The following MYLK3 variants were observed in gnomAD, a reference collection of about 807,000 sequenced individuals.
MYLK3 encodes MLC kinase.
MYLK3 carries 55 observed loss-of-function variants against 76.3 expected under a neutral mutation model. That is an observed-to-expected ratio of 0.72 (90% CI 0.58 to 0.90). The LOEUF is 0.90. Among genes scored for constraint, MYLK3 ranks in the 40% least tolerant of loss-of-function variants. MYLK3 has a pLI of 0.00. For synonymous variants in MYLK3, 416 were observed against 425.4 expected, an observed-to-expected ratio of 0.98 and a Z score of 0.27; for missense variants, 973 against 1,053.6, an observed-to-expected ratio of 0.92 and a Z score of 1.06.
At chr16:46,726,601 G>T (rs1454773550) in intron 8 of MYLK3, 3 of 149,188 alleles carry the variant, frequency 2.0e-5, no homozygotes, top group Non-Finnish European at 4.4e-5. Flanking sequence ...AGAAGAGAGA[G>T]AGAGAGAGAA....
chr16:46,718,026 A>G (rs1966761507), intron 9 of MYLK3, among the ~76,000 whole-genome samples: 1 of 152,210 alleles, frequency 6.6e-6, no homozygotes, highest in African/African-American at 2.4e-5. Flanking sequence ...GGGGACAAAC[A>G]TTGGTTCTTG....
chr16:46,741,802 G>T lies in MYLK3; in HGVS notation c.478-1655C>A, dbSNP rs182433946. Among the ~76,000 whole-genome samples the T allele has an allele frequency of 9.5e-5, 14 of 146,922 alleles. No individual in the cohort carries two copies. In the Admixed American group the frequency reaches 9.6e-4, roughly 10 times the overall value. On this transcript the variant is annotated intron_variant, in intron 1 of 12. Transcript: ENST00000394809. ...TTTTTTTTTTTTGAGACAGAGTCTC[G>T]CTCTGTTGTCCAGCCTGGAGTGCAG...
chr16:46,707,890 G>A (rs1483823324), intron 12 of MYLK3, 127 bp from the exon 13 acceptor site: 1 of 551,470 alleles, frequency 1.8e-6, no homozygotes, highest in Non-Finnish European at 3.2e-6. Flanking sequence ...GATACCTAAA[G>A]GGAAACAAGT....
At chr16:46,749,423 C>T (rs372772508), upstream of MYLK3, among the ~76,000 whole-genome samples, 551 of 152,374 alleles carry the variant, frequency 3.6e-3, 2 homozygotes, top group Middle Eastern at 0.037. Context: ...CTTCCCCCTT[C>T]TGAATAAAAG....
In MYLK3 at chr16:46,747,797, G is replaced by A. The variant is rs1437966818; in HGVS notation, c.397C>T (p.Gln133Ter). Residue 133 changes from glutamine (Q) to a stop codon, truncating the protein, a stop_gained, in exon 1 of 13, where the codon CAG (glutamine) becomes TAG (stop). Transcript: ENST00000394809. LOFTEE classifies it high-confidence loss of function. ...RAIALVGATF[Q>*]KSKVADFLMQ... ...AGGAAATCCGCCACCTTTGATTTCTGGAACGTGGCCCCCACCAAAGCGATG... is the reference window on the plus strand; with the variant it reads ...AGGAAATCCGCCACCTTTGATTTCTAGAACGTGGCCCCCACCAAAGCGATG... 1 of 1,614,222 alleles carries A rather than the reference G, an allele frequency of 6.2e-7. No homozygotes were observed. The highest frequency in any genetic ancestry group is 8.5e-7 in the Non-Finnish European group (1 of 1,180,038).
At chr16:46,743,147 G>A (rs1483525545) in intron 1 of MYLK3, among the ~76,000 whole-genome samples, 3 of 152,200 alleles carry the variant, frequency 2.0e-5, no homozygotes, top group African/African-American at 7.2e-5. Context: ...ACATATGCCT[G>A]GGGCTGTTTT....
chr16:46,707,882 T>C, intron 12 of MYLK3, 119 bp from the exon 13 acceptor site: 1 of 591,104 alleles, frequency 1.7e-6, no homozygotes, highest in East Asian at 2.9e-5. Context: ...TTAAATCTGA[T>C]ACCTAAAGGG....
chr16:46,710,634 T>C lies in MYLK3; in HGVS notation c.2267+3A>G. On this transcript the variant is annotated splice_donor_region_variant and intron_variant, in intron 11 of 12. Coordinates refer to ENST00000394809, the MANE Select transcript of MYLK3 (RefSeq NM_182493.3). ...CCCATGAGTGACAAGCAATGAAAGG[T>C]ACCTCTTCTCTTTGACCAGCAACCG... 2 of 1,614,056 alleles carry C rather than the reference T, an allele frequency of 1.2e-6. No individual in the cohort carries two copies. The highest frequency in any genetic ancestry group is 1.7e-6 in the Non-Finnish European group (2 of 1,180,028).
chr16:46,762,031 G>A (rs1302102121), intron 1 of MYLK3, among the ~76,000 whole-genome samples: 1 of 152,180 alleles, frequency 6.6e-6, no homozygotes, highest in Non-Finnish European at 1.5e-5. Context: ...AAACACAGGG[G>A]CGCTAAGTGG....
chr16:46,759,912 G>A (rs573906129), intron 1 of MYLK3, among the ~76,000 whole-genome samples: 14 of 152,322 alleles, frequency 9.2e-5, no homozygotes, highest in South Asian at 2.1e-4. Context: ...GATTACAGGC[G>A]TTAGCCACCA....
intron 1 of MYLK3, among the ~76,000 whole-genome samples, chr16:46,754,851 G>C (rs1967176553): frequency 6.6e-6 from 1 of 151,888 alleles, no homozygotes; most frequent in South Asian, 2.1e-4. Flanking sequence ...ACCACCATCA[G>C]AGAACAAAAT....
chr16:46,737,554 C>T (rs1416748587), intron 3 of MYLK3, among the ~76,000 whole-genome samples, 157 bp downstream of exon 3: 1 of 152,240 alleles, frequency 6.6e-6, no homozygotes, highest in Admixed American at 6.5e-5. Flanking sequence ...AGCACTGGTA[C>T]TCTAAGCTCC....
chr16:46,719,711 T>C (rs1966780424), intron 9 of MYLK3, among the ~76,000 whole-genome samples: 1 of 152,208 alleles, frequency 6.6e-6, no homozygotes, highest in African/African-American at 2.4e-5. Flanking sequence ...GGCTATGCGA[T>C]GCATCTGTCA....
intron 1 of MYLK3, among the ~76,000 whole-genome samples, chr16:46,741,420 A>C (rs1966928508): frequency 6.6e-6 from 1 of 152,222 alleles, no homozygotes; most frequent in Admixed American, 6.5e-5. Flanking sequence ...GCCCAGAGCC[A>C]TCAGTATGCT....
At chr16:46,754,320 A>G (rs1450111825) in intron 1 of MYLK3, among the ~76,000 whole-genome samples, 1 of 152,154 alleles carries the variant, frequency 6.6e-6, no homozygotes, top group African/African-American at 2.4e-5. Flanking sequence ...AAAGAAAAAA[A>G]AAAAACACAT....
intron 1 of MYLK3, among the ~76,000 whole-genome samples, chr16:46,756,442 T>C (rs1333520891): frequency 6.6e-6 from 1 of 152,078 alleles, no homozygotes; most frequent in East Asian, 1.9e-4. Flanking sequence ...GAGGCAAATA[T>C]CAAAAGAAAC....
At chr16:46,763,130 T>C (rs573302314) in exon 1 of MYLK3, 1 of 984,452 alleles carries the variant, frequency 1.0e-6, no homozygotes, top group Non-Finnish European at 1.2e-6. Context: ...ACCTCCATCT[T>C]ATACACAGAC....
upstream of MYLK3, among the ~76,000 whole-genome samples, chr16:46,752,095 G>A (rs1000448378): frequency 3.3e-5 from 5 of 152,008 alleles, no homozygotes; most frequent in African/African-American, 7.2e-5. Context: ...GGATCCTCTC[G>A]CGGAAAAAGA....
At chr16:46,743,538 G>T (rs1405731750) in intron 1 of MYLK3, among the ~76,000 whole-genome samples, 1 of 152,190 alleles carries the variant, frequency 6.6e-6, no homozygotes, top group Non-Finnish European at 1.5e-5. Flanking sequence ...GCCTGATGGG[G>T]AGCCTGGACC....
Sources: allele counts gnomAD v4.1 joint callset (sites outside exome capture counted in the v4.1 genomes callset), GRCh38; gene constraint gnomAD v4.1.1; transcripts MANE v1.5; gene names NCBI Gene and HGNC (gene_info 2026-07-23, HGNC 2026-07-21).